Variants in TIAM1 observed in about 807,000 individuals in gnomAD.
TIAM1 encodes the protein TIAM Rac1 associated GEF 1, also known as rho guanine nucleotide exchange factor TIAM1.
Under a neutral mutation model 163.5 loss-of-function variants are expected in TIAM1, and 65 were observed. The observed-to-expected ratio is 0.40, with a 90% CI of 0.33 to 0.49. The LOEUF is 0.49. TIAM1 is among the 20% of genes least tolerant of loss of function. The pLI is 0.77. For missense variants in TIAM1, 1,789 were observed against 2,044.7 expected, an observed-to-expected ratio of 0.87 and a Z score of 2.41; for synonymous variants, 833 against 810.1, an observed-to-expected ratio of 1.03 and a Z score of -0.48.
At chr21:31,472,471 G>A in intron 1 of TIAM1, among the ~76,000 whole-genome samples, 1 of 152,114 alleles carries the variant, frequency 6.6e-6, no homozygotes, top group Non-Finnish European at 1.5e-5. Context: ...AGGTTTCAGT[G>A]AGCCGAGATC....
chr21:31,409,378 GA>G (rs770214121), intron 2 of TIAM1, among the ~76,000 whole-genome samples: 25 of 152,030 alleles, frequency 1.6e-4, no homozygotes, highest in Non-Finnish European at 2.5e-4. Context: ...AAAGTGTCGG[GA>G]TTACAGGCGT....
At chr21:31,316,704 C>A (rs1262912568) in intron 2 of TIAM1, among the ~76,000 whole-genome samples, 5 of 152,282 alleles carry the variant, frequency 3.3e-5, no homozygotes, top group African/African-American at 4.8e-5. Context: ...TCTGAGCCCT[C>A]AGGATGGCTC....
intron 1 of TIAM1, among the ~76,000 whole-genome samples, chr21:31,503,293 G>A (rs567251084): frequency 3.3e-5 from 5 of 151,598 alleles, no homozygotes; most frequent in African/African-American, 1.2e-4. Context: ...TACTCAGGAG[G>A]CTGAGGCACA....
chr21:31,393,920 C>CT (rs1182522259), intron 2 of TIAM1, among the ~76,000 whole-genome samples: 3 of 151,870 alleles, frequency 2.0e-5, no homozygotes, highest in Non-Finnish European at 2.9e-5. Context: ...TAAAGATTTT[C>CT]TTTTTTTAAT....
chr21:31,338,128 T>C (rs949403145), intron 2 of TIAM1, among the ~76,000 whole-genome samples: 3 of 152,172 alleles, frequency 2.0e-5, no homozygotes, highest in African/African-American at 7.2e-5. Flanking sequence ...AGCCACTGTG[T>C]ACATGCGGAG....
intron 23 of TIAM1, among the ~76,000 whole-genome samples, chr21:31,132,744 C>T (rs2082463963): frequency 6.6e-6 from 1 of 152,156 alleles, no homozygotes; most frequent in African/African-American, 2.4e-5. Context: ...GCTAGTGTTA[C>T]TCAAGTGACT....
chr21:31,477,235 G>A (rs1258440355), intron 1 of TIAM1, among the ~76,000 whole-genome samples: 3 of 152,108 alleles, frequency 2.0e-5, no homozygotes, highest in Non-Finnish European at 2.9e-5. Flanking sequence ...CTCCACAAGC[G>A]TAATCATAAT....
At chr21:31,425,602 A>G (rs2043756200) in intron 2 of TIAM1, among the ~76,000 whole-genome samples, 1 of 135,846 alleles carries the variant, frequency 7.4e-6, no homozygotes, top group African/African-American at 2.8e-5. Flanking sequence ...TTTTTTTTAC[A>G]TTTTTATTTC....
intron 16 of TIAM1, among the ~76,000 whole-genome samples, chr21:31,161,262 G>C (rs752505105): frequency 6.6e-6 from 1 of 152,164 alleles, no homozygotes; most frequent in Admixed American, 6.5e-5. Context: ...TGGAATGCAT[G>C]ACACATGACC....
intron 2 of TIAM1, among the ~76,000 whole-genome samples, chr21:31,390,364 G>C (rs2076947248): frequency 6.6e-6 from 1 of 152,188 alleles, no homozygotes; most frequent in Non-Finnish European, 1.5e-5. Flanking sequence ...AATGACAAGT[G>C]ATTTACCAGT....
At chr21:31,240,761 T>C (rs1017751934) in intron 6 of TIAM1, among the ~76,000 whole-genome samples, 1 of 152,044 alleles carries the variant, frequency 6.6e-6, no homozygotes, top group Non-Finnish European at 1.5e-5. Flanking sequence ...GTCGAACAAA[T>C]AAGAAGTTGA....
intron 2 of TIAM1, among the ~76,000 whole-genome samples, chr21:31,336,214 T>C (rs2075833894): frequency 1.3e-5 from 2 of 152,334 alleles, no homozygotes; most frequent in Middle Eastern, 3.4e-3. Flanking sequence ...ATATTTCTGT[T>C]ATCTTTCGAA....
intron 15 of TIAM1, among the ~76,000 whole-genome samples, chr21:31,180,659 A>C (rs1282592337): frequency 6.6e-6 from 1 of 152,218 alleles, no homozygotes; most frequent in Non-Finnish European, 1.5e-5. Flanking sequence ...ATCTAACATA[A>C]TATGTCTCAT....
intron 3 of TIAM1, among the ~76,000 whole-genome samples, chr21:31,272,389 T>C (rs2073096541): frequency 6.6e-6 from 1 of 152,004 alleles, no homozygotes; most frequent in Non-Finnish European, 1.5e-5. Context: ...CAAATACTTA[T>C]TAGTTAGGGT....
intron 15 of TIAM1, among the ~76,000 whole-genome samples, chr21:31,168,132 G>A (rs2084328317): frequency 2.0e-5 from 3 of 149,088 alleles, no homozygotes; most frequent in South Asian, 2.1e-4. Context: ...TCACTCTGTC[G>A]ACCAGGCTGG....
At chr21:31,304,431 T>C (rs186949958) in intron 2 of TIAM1, among the ~76,000 whole-genome samples, 9 of 152,314 alleles carry the variant, frequency 5.9e-5, no homozygotes, top group East Asian at 1.9e-4. Context: ...TCTTTATTCA[T>C]TGGAAGCTAT....
At chr21:31,439,520 C>T (rs2044344611) in intron 2 of TIAM1, among the ~76,000 whole-genome samples, 1 of 152,162 alleles carries the variant, frequency 6.6e-6, no homozygotes, top group Non-Finnish European at 1.5e-5. Context: ...GAACTCCTGA[C>T]CTCAAGTAAT....
intron 3 of TIAM1, among the ~76,000 whole-genome samples, chr21:31,270,590 G>A (rs531898194): frequency 1.3e-5 from 2 of 152,288 alleles, no homozygotes; most frequent in East Asian, 1.9e-4. Flanking sequence ...CTGGCTTCTC[G>A]TGCTTTTCTT....
chr21:31,481,532 C>T lies in TIAM1; in HGVS notation c.-421-17497G>A, dbSNP rs1483354191. ...TCAGACACCAGCTACAGATGGAGGGCCCACACTTCGGCTTGACCAACTACA... is the reference window on the plus strand; with the variant it reads ...TCAGACACCAGCTACAGATGGAGGGTCCACACTTCGGCTTGACCAACTACA... On this transcript the variant is annotated intron_variant, in intron 1 of 28. Transcript: ENST00000286827. 3.9e-5 allele frequency among the ~76,000 whole-genome samples: 6 copies of T among 152,116 alleles called. No homozygotes were observed. In the East Asian group the frequency reaches 1.2e-3, roughly 29 times the overall value.
Sources: allele counts gnomAD v4.1 joint callset (sites outside exome capture counted in the v4.1 genomes callset), GRCh38; gene constraint gnomAD v4.1.1; transcripts MANE v1.5; gene names NCBI Gene and HGNC (gene_info 2026-07-23, HGNC 2026-07-21).